SLIT3: variants seen among roughly 807,000 people sequenced by gnomAD.
The protein encoded by SLIT3 is slit homolog 3 protein.
A neutral mutation model predicts 184.0 loss-of-function variants in SLIT3; 68 were observed. That is an observed-to-expected ratio of 0.37 (90% CI 0.30 to 0.45). The LOEUF is 0.45. SLIT3 is among the 20% of genes least tolerant of loss of function. SLIT3 has a pLI of 1.00. For synonymous variants in SLIT3, 831 were observed against 828.6 expected (o/e 1.00, Z -0.05); for missense variants, 1,707 against 2,026.0 (o/e 0.84, Z 3.02).
At chr5:169,088,240 G>C (rs1257905428) in intron 4 of SLIT3, among the ~76,000 whole-genome samples, 2 of 152,122 alleles carry the variant, frequency 1.3e-5, no homozygotes, top group Non-Finnish European at 2.9e-5. Context: ...TCATAAATAA[G>C]CCTGTCCTCC....
intron 25 of SLIT3, among the ~76,000 whole-genome samples, chr5:168,710,581 T>C (rs898883216): frequency 4.0e-5 from 6 of 149,064 alleles, no homozygotes; most frequent in South Asian, 2.1e-4. Flanking sequence ...CTGTGCAACA[T>C]AGTGAGACCT....
intron 4 of SLIT3, among the ~76,000 whole-genome samples, chr5:168,954,740 G>T (rs991925068): frequency 1.3e-5 from 2 of 152,172 alleles, no homozygotes; most frequent in Non-Finnish European, 2.9e-5. Context: ...AGGCAGGAGG[G>T]GGAAGTGGCT....
At chr5:168,686,571 G>A (rs1450966532) in intron 30 of SLIT3, among the ~76,000 whole-genome samples, 1 of 152,208 alleles carries the variant, frequency 6.6e-6, no homozygotes, top group African/African-American at 2.4e-5. Flanking sequence ...GGTTACCACT[G>A]AGGAACCATC....
At chr5:168,809,772 C>T (rs552503153) in intron 8 of SLIT3, among the ~76,000 whole-genome samples, 2 of 152,290 alleles carry the variant, frequency 1.3e-5, no homozygotes, top group East Asian at 3.9e-4. Flanking sequence ...GACACTCGCC[C>T]AGAAGCCTGG....
intron 4 of SLIT3, among the ~76,000 whole-genome samples, chr5:168,958,859 G>C (rs577552488): frequency 4.6e-5 from 7 of 152,142 alleles, no homozygotes; most frequent in Admixed American, 3.3e-4. Flanking sequence ...TAACCCCTTG[G>C]ATCTCCTTCC....
chr5:169,079,804 GGGAAGGGGAAGAGGA>G (rs1454224082), intron 4 of SLIT3, among the ~76,000 whole-genome samples: 1 of 102,154 alleles, frequency 9.8e-6, no homozygotes, highest in Non-Finnish European at 2.0e-5. Flanking sequence ...GGGAGGAAGA[GGGAAGGGGAAGAGGA>G]GGAGGGAGGA....
At chr5:168,845,269 C>A (rs1758418606) in intron 5 of SLIT3, among the ~76,000 whole-genome samples, 1 of 152,132 alleles carries the variant, frequency 6.6e-6, no homozygotes, top group Non-Finnish European at 1.5e-5. Context: ...TGGTTTGATG[C>A]CTCTGTGCAT....
At chr5:168,806,646 T>C (rs2113632751) in intron 8 of SLIT3, 59 bp from the exon 9 acceptor site, 1 of 1,601,822 alleles carries the variant, frequency 6.2e-7, no homozygotes, top group East Asian at 2.2e-5. Flanking sequence ...CCTGGGCTTC[T>C]GTGTCCTTAA....
intron 1 of SLIT3, among the ~76,000 whole-genome samples, chr5:169,266,218 G>A (rs771819719): frequency 7.2e-5 from 11 of 152,122 alleles, no homozygotes; most frequent in Non-Finnish European, 1.3e-4. Context: ...TCCAATCACC[G>A]GGAGGCAGGA....
At chr5:168,817,580 A>G in intron 7 of SLIT3, 117 bp from the exon 8 acceptor site, 1 of 954,690 alleles carries the variant, frequency 1.0e-6, no homozygotes, top group Non-Finnish European at 1.6e-6. Flanking sequence ...GAAAATCCCT[A>G]GGAGCCCAGG....
chr5:169,185,991 G>A (rs1263141053), intron 4 of SLIT3, among the ~76,000 whole-genome samples: 1 of 152,066 alleles, frequency 6.6e-6, no homozygotes, highest in Non-Finnish European at 1.5e-5. Context: ...GGATAATATT[G>A]TATCTACCTC....
intron 4 of SLIT3, among the ~76,000 whole-genome samples, chr5:168,973,061 A>T (rs573995243): frequency 6.6e-6 from 1 of 152,232 alleles, no homozygotes; most frequent in Admixed American, 6.5e-5. Context: ...CAGTATGTTA[A>T]GCTCCAGCTT....
chr5:169,022,617 A>C (rs1251212947), intron 4 of SLIT3: 1 of 152,248 alleles, frequency 6.6e-6, no homozygotes, highest in East Asian at 1.9e-4. Context: ...TGAGACTGAA[A>C]ACTCAAGAAA....
intron 7 of SLIT3, among the ~76,000 whole-genome samples, chr5:168,821,235 C>T (rs954012851): frequency 6.6e-6 from 1 of 152,236 alleles, no homozygotes; most frequent in African/African-American, 2.4e-5. Flanking sequence ...AGATCCAGGC[C>T]TAACCCTGTC....
chr5:169,051,484 T>C (rs1329229314), intron 4 of SLIT3, among the ~76,000 whole-genome samples: 2 of 152,154 alleles, frequency 1.3e-5, no homozygotes, highest in African/African-American at 4.8e-5. Context: ...ATCATGTTAA[T>C]TGGAATCAAT....
intron 30 of SLIT3, 36 bp from the exon 31 acceptor site, chr5:168,685,963 GA>G (rs1271117208): frequency 3.2e-6 from 5 of 1,575,192 alleles, no homozygotes; most frequent in Non-Finnish European, 3.4e-6. Flanking sequence ...GGAGATAGGA[GA>G]ATGGCCAAGA....
At chr5:168,752,144 C>T (rs1162840222) in intron 18 of SLIT3, among the ~76,000 whole-genome samples, 2 of 152,174 alleles carry the variant, frequency 1.3e-5, no homozygotes, top group South Asian at 2.1e-4. Flanking sequence ...AGATGGCCCA[C>T]AGCAGTCCTG....
intron 2 of SLIT3, among the ~76,000 whole-genome samples, chr5:169,247,215 CAA>C (rs34569490): frequency 0.1 from 12,781 of 124,152 alleles, 606 homozygotes; most frequent in South Asian, 0.15. Context: ...GACTCTGTCT[CAA>C]AAAAAAAAAA....
At chr5:168,824,164 T>C (rs1038007788) in intron 6 of SLIT3, among the ~76,000 whole-genome samples, 2 of 152,312 alleles carry the variant, frequency 1.3e-5, no homozygotes, top group Non-Finnish European at 2.9e-5. Flanking sequence ...CTCAAACTCC[T>C]TGACCTCACA....
Sources: gnomAD v4.1 joint callset for allele counts (sites outside exome capture counted in the v4.1 genomes callset) on GRCh38, gnomAD v4.1.1 for gene constraint, MANE v1.5 for transcripts, NCBI Gene and HGNC (gene_info 2026-07-23, HGNC 2026-07-21) for gene names.